PAPPA: variants seen among roughly 807,000 people sequenced by gnomAD.
The protein encoded by PAPPA is pappalysin 1.
Under a neutral mutation model 164.0 loss-of-function variants are expected in PAPPA, and 60 were observed. The ratio of observed to expected loss-of-function variants is 0.37; its 90% CI spans 0.30 to 0.45. The LOEUF (loss-of-function observed/expected upper bound fraction) is 0.45. Ranked by LOEUF, PAPPA falls within the 20% of genes least tolerant of loss-of-function variation. The pLI, the probability that PAPPA is intolerant of heterozygous loss-of-function variation, is 1.00. For missense variants in PAPPA, 1,782 were observed against 2,087.3 expected (o/e 0.85, Z 2.85); for synonymous variants, 875 against 814.1 (o/e 1.07, Z -1.27).
chr9:116,281,782 A>G (rs1235567635), intron 9 of PAPPA, among the ~76,000 whole-genome samples: 1 of 152,152 alleles, frequency 6.6e-6, no homozygotes, highest in Non-Finnish European at 1.5e-5. Flanking sequence ...GAAACCACCC[A>G]CCAGACAAGC....
chr9:116,221,007 A>C, intron 5 of PAPPA, among the ~76,000 whole-genome samples: 1 of 151,500 alleles, frequency 6.6e-6, no homozygotes, highest in Non-Finnish European at 1.5e-5. Context: ...AGGGAATGAT[A>C]AACTGAGGCA....
chr9:116,238,603 C>T (rs1049040776), intron 7 of PAPPA, among the ~76,000 whole-genome samples: 1 of 152,184 alleles, frequency 6.6e-6, no homozygotes, highest in Non-Finnish European at 1.5e-5. Context: ...GCCAAATCAT[C>T]AGTAGTGAGG....
chr9:116,267,033 T>C (rs1184975495), intron 8 of PAPPA, among the ~76,000 whole-genome samples: 1 of 152,224 alleles, frequency 6.6e-6, no homozygotes, highest in Admixed American at 6.5e-5. Context: ...CAATATGGAA[T>C]TGCAATTACT....
At chr9:116,310,893 G>C (rs1291388482) in intron 10 of PAPPA, among the ~76,000 whole-genome samples, 1 of 152,102 alleles carries the variant, frequency 6.6e-6, no homozygotes, top group Non-Finnish European at 1.5e-5. Flanking sequence ...TAATATAGGA[G>C]TAATAACATC....
chr9:116,346,455 A>G (rs873481), intron 14 of PAPPA, among the ~76,000 whole-genome samples: 62 of 152,286 alleles, frequency 4.1e-4, no homozygotes, highest in African/African-American at 1.5e-3. Flanking sequence ...GAACTCAAGT[A>G]AGGAAAAGGG....
chr9:116,398,500 A>C lies in PAPPA; in HGVS notation c.*1884A>C. 2.6e-6 allele frequency: 3 copies of C among 1,135,138 alleles called. No individual in the cohort carries two copies. Among genetic ancestry groups the C allele is most frequent in the Non-Finnish European group, 3.4e-6 (3 of 885,318 alleles). The allele number at this position is 1,135,138 out of a possible 1,614,324, so 70.3% of individuals were successfully genotyped here. A position where few individuals can be genotyped will look rare whatever the true frequency, so the allele number is the denominator to read the frequency against. Reference sequence around the variant, plus strand: ...CACTTAAAAAAAAAAAAAAAAAGAGACCAAAAATAACTTTAGGAACCACCA... The same window carrying C: ...CACTTAAAAAAAAAAAAAAAAAGAGCCCAAAAATAACTTTAGGAACCACCA... On this transcript the variant is annotated 3_prime_UTR_variant, in exon 22 of 22. Coordinates refer to ENST00000328252, the MANE Select transcript of PAPPA (RefSeq NM_002581.5).
At chr9:116,203,991 C>T (rs1269663437) in intron 2 of PAPPA, among the ~76,000 whole-genome samples, 1 of 152,170 alleles carries the variant, frequency 6.6e-6, no homozygotes, top group East Asian at 1.9e-4. Flanking sequence ...GAGGAAGAGA[C>T]ACTGAAAGCT....
At chr9:116,333,231 C>A (rs1435413995) in intron 12 of PAPPA, among the ~76,000 whole-genome samples, 2 of 152,186 alleles carry the variant, frequency 1.3e-5, no homozygotes, top group Non-Finnish European at 2.9e-5. Flanking sequence ...CCTGTCCTCA[C>A]AGCACATCAC....
intron 19 of PAPPA, among the ~76,000 whole-genome samples, chr9:116,374,629 C>T (rs924317597): frequency 1.3e-5 from 2 of 152,224 alleles, no homozygotes; most frequent in African/African-American, 4.8e-5. Flanking sequence ...CTGACAGAAA[C>T]TTGTACAACC....
At chr9:116,194,420 T>A (rs539103501) in intron 2 of PAPPA, among the ~76,000 whole-genome samples, 1 of 152,346 alleles carries the variant, frequency 6.6e-6, no homozygotes, top group South Asian at 2.1e-4. Context: ...CCAGTAATCA[T>A]GTAAAAGAAA....
At chr9:116,258,224 T>G (rs545311202) in intron 7 of PAPPA, among the ~76,000 whole-genome samples, 4 of 152,208 alleles carry the variant, frequency 2.6e-5, no homozygotes, top group African/African-American at 9.6e-5. Context: ...GGAGAAAGCT[T>G]CACATGGAAT....
intron 6 of PAPPA, 43 bp downstream of exon 6, chr9:116,227,595 A>T: frequency 6.2e-7 from 1 of 1,608,228 alleles, no homozygotes; most frequent in South Asian, 1.1e-5. Context: ...AGGAGTGTGC[A>T]AAGAACAGCT....
intron 8 of PAPPA, among the ~76,000 whole-genome samples, chr9:116,270,192 T>G (rs932341218): frequency 2.0e-5 from 3 of 152,200 alleles, no homozygotes; most frequent in Admixed American, 1.3e-4. Context: ...GCATCTTCTA[T>G]GTGTCACCCA....
chr9:116,231,933 G>A (rs1275079707), intron 6 of PAPPA, among the ~76,000 whole-genome samples: 2 of 151,422 alleles, frequency 1.3e-5, no homozygotes, highest in Non-Finnish European at 2.9e-5. Context: ...AGGTAATTTT[G>A]TATTTTTAAT....
intron 4 of PAPPA, among the ~76,000 whole-genome samples, chr9:116,218,296 T>C (rs2062945224): frequency 6.6e-6 from 1 of 152,186 alleles, no homozygotes; most frequent in Non-Finnish European, 1.5e-5. Flanking sequence ...CAAAGCCATG[T>C]ATATAGCTGT....
At chr9:116,328,458 C>T (rs749744944) in intron 10 of PAPPA, among the ~76,000 whole-genome samples, 64 of 152,230 alleles carry the variant, frequency 4.2e-4, no homozygotes, top group Admixed American at 1.2e-3. Flanking sequence ...GAAGCCATCA[C>T]CTAATTTGTC....
chr9:116,358,086 C>T (rs1317196201), intron 17 of PAPPA, among the ~76,000 whole-genome samples: 1 of 152,104 alleles, frequency 6.6e-6, no homozygotes, highest in Non-Finnish European at 1.5e-5. Flanking sequence ...TGGCCAAGCA[C>T]CCAGGATGTC....
intron 21 of PAPPA, among the ~76,000 whole-genome samples, chr9:116,389,715 G>T (rs1846864933): frequency 6.6e-6 from 1 of 151,712 alleles, no homozygotes; most frequent in African/African-American, 2.4e-5. Flanking sequence ...CCTCTTTCAA[G>T]TCTTTGCCCA....
At chr9:116,338,478 C>T (rs1477941820) in intron 13 of PAPPA, among the ~76,000 whole-genome samples, 1 of 152,156 alleles carries the variant, frequency 6.6e-6, no homozygotes, top group African/African-American at 2.4e-5. Flanking sequence ...TTTCTAGAGT[C>T]TGTGCCCTGA....
Sources: allele counts gnomAD v4.1 joint callset (sites outside exome capture counted in the v4.1 genomes callset), GRCh38; gene constraint gnomAD v4.1.1; transcripts MANE v1.5; gene names NCBI Gene and HGNC (gene_info 2026-07-23, HGNC 2026-07-21).